CMTR1: variants seen among roughly 807,000 people sequenced by gnomAD.
CMTR1 encodes the protein cap-specific mRNA (nucleoside-2'-O-)-methyltransferase 1.
A neutral mutation model predicts 107.0 loss-of-function variants in CMTR1; 39 were observed. The observed-to-expected ratio is 0.36, with a 90% CI of 0.28 to 0.48. The LOEUF (loss-of-function observed/expected upper bound fraction) is 0.48, where lower values mean the gene tolerates loss of function less well. CMTR1 is among the 20% of genes least tolerant of loss of function. The pLI, the probability that CMTR1 is intolerant of heterozygous loss-of-function variation, is 0.99. For missense variants in CMTR1, 672 were observed against 1,064.9 expected (o/e 0.63, Z 5.14); for synonymous variants, 366 against 379.5 (o/e 0.96, Z 0.41).
At chr6:37,450,837 G>T (rs1282217855) in intron 5 of CMTR1, among the ~76,000 whole-genome samples, 1 of 152,176 alleles carries the variant, frequency 6.6e-6, no homozygotes, top group Non-Finnish European at 1.5e-5. Context: ...CCTTCAGGGG[G>T]TCCACAAGGG....
chr6:37,479,282 C>T lies in CMTR1; in HGVS notation c.2375+27C>T, dbSNP rs919080478. ...TAAGTAGCTCTCCTCCAAGCCTGCC[C>T]TCCTTAGCAGCCTCAAGTACTCCTG... is the stretch of plus-strand genomic sequence containing the variant. On this transcript the variant is annotated intron_variant, in intron 23 of 23. Coordinates refer to ENST00000373451, the MANE Select transcript of CMTR1 (RefSeq NM_015050.3). The T allele has an allele frequency of 3.3e-6, 5 of 1,495,532 alleles. No homozygotes were observed. The Admixed American group carries it at 5.0e-5, about 15-fold the overall frequency. The allele number at this position is 1,495,532 out of a possible 1,614,324, so 92.6% of individuals were successfully genotyped here.
chr6:37,451,819 T>C lies in CMTR1; in HGVS notation c.551T>C (p.Ile184Thr), dbSNP rs1191853745. The stretch of plus-strand genomic sequence containing the variant: ...TTCTCCCTGTAGAGAAAGATGATTA[T>C]TGAAGATGAAACAGAGTTTTGTGGG... ...WMVVGKRKMI[I>T]EDETEFCGEE... Residue 184 changes from isoleucine (I) to threonine (T), a missense_variant, in exon 6 of 24, where the codon ATT becomes ACT. Around this residue, in one of 2 missense-constraint regions of CMTR1, gnomAD observed 583 missense variants for 968.4 expected, o/e 0.60. Transcript: ENST00000373451. 3.1e-6 allele frequency: 5 copies of C among 1,613,262 alleles called. No individual in the cohort carries two copies. The African/African-American group carries it at 6.7e-5, about 22-fold the overall frequency.
At chr6:37,466,309 C>T (rs977066305) in intron 13 of CMTR1, among the ~76,000 whole-genome samples, 4 of 151,922 alleles carry the variant, frequency 2.6e-5, no homozygotes, top group South Asian at 2.1e-4. Flanking sequence ...GATGGAGTTT[C>T]ACCATGTTGG....
chr6:37,448,451 G>A (rs2113870442), intron 4 of CMTR1, among the ~76,000 whole-genome samples: 1 of 152,182 alleles, frequency 6.6e-6, no homozygotes, highest in Admixed American at 6.5e-5. Context: ...TTCTTTCCAA[G>A]TTTATATGAG....
chr6:37,457,317 C>T (rs184630299), intron 8 of CMTR1, among the ~76,000 whole-genome samples: 6 of 152,102 alleles, frequency 3.9e-5, no homozygotes, highest in Admixed American at 3.9e-4. Flanking sequence ...ATTAGTCAGT[C>T]CTGAGTTGGC....
chr6:37,453,185 A>G (rs1480485972), intron 7 of CMTR1, 44 bp downstream of exon 7: 2 of 1,612,768 alleles, frequency 1.2e-6, no homozygotes, highest in East Asian at 2.2e-5. Context: ...TCCCTGCTCT[A>G]CCTTTTCAAT....
intron 2 of CMTR1, among the ~76,000 whole-genome samples, chr6:37,440,225 AGACT>A (rs1771640712): frequency 6.6e-6 from 1 of 152,354 alleles, no homozygotes; most frequent in African/African-American, 2.4e-5. Context: ...TGAGTTTAAT[AGACT>A]GACCTTATTA....
Position 37,471,832 on chromosome 6 carries a change from G to A in CMTR1, c.1563-15G>A, listed in dbSNP as rs1761634195. The A allele has an allele frequency of 6.2e-7, 1 of 1,613,480 alleles. No individual in the cohort carries two copies. Among genetic ancestry groups the A allele is most frequent in the Non-Finnish European group, 8.5e-7 (1 of 1,179,760 alleles). ...TCTTAGAGATTTTAATCACTAACTG[G>A]CTTCATATTCCCAGGACACTGAGTG... is the stretch of plus-strand genomic sequence containing the variant. On this transcript the variant is annotated splice_polypyrimidine_tract_variant and intron_variant, in intron 14 of 23. Transcript: ENST00000373451.
At chr6:37,479,114 C>A in intron 22 of CMTR1, 33 bp from the exon 23 acceptor site, 1 of 1,509,110 alleles carries the variant, frequency 6.6e-7, no homozygotes, top group Non-Finnish European at 9.2e-7. Context: ...CTTTGTGTCC[C>A]TTCTGGGCTT....
chr6:37,437,531 AAAG>A (rs939429128), intron 2 of CMTR1, among the ~76,000 whole-genome samples: 3 of 151,008 alleles, frequency 2.0e-5, no homozygotes, highest in African/African-American at 7.4e-5. Flanking sequence ...AAAAAAAAAA[AAAG>A]CTCATCAGCT....
At position 37,471,059 on chromosome 6, in the gene CMTR1, A is replaced by C; in HGVS notation, c.1544A>C (p.His515Pro). Residue 515 changes from histidine (H) to proline (P), a missense_variant, in exon 14 of 24, where the codon CAT (histidine) becomes CCT (proline). By Grantham distance (77) the His-to-Pro change is moderately conservative. This residue lies in a region of CMTR1 where 583 missense variants were observed against 968.4 expected (regional missense o/e 0.60). Transcript: ENST00000373451. The part of the protein sequence containing the change: ...SLQIKALAKI[H>P]AFVQDTTLSE... ...CAGATCAAAGCTCTGGCGAAAATCC[A>C]TGCCTTTGTTCAAGACACGTGAGTG... The C allele has an allele frequency of 2.5e-6, 4 of 1,606,972 alleles. No individual in the cohort carries two copies. Among genetic ancestry groups the C allele is most frequent in the Non-Finnish European group, 3.4e-6 (4 of 1,176,636 alleles).
At chr6:37,473,644 T>G in intron 17 of CMTR1, 43 bp downstream of exon 17, 1 of 1,596,138 alleles carries the variant, frequency 6.3e-7, no homozygotes. Flanking sequence ...GAATGGTGGA[T>G]TTGCCCTTTG....
Position 37,446,099 on chromosome 6 carries a change from A to G in CMTR1, c.286-192A>G, listed in dbSNP as rs1771788012. Among the ~76,000 whole-genome samples, 2 of 152,170 alleles carry G rather than the reference A, an allele frequency of 1.3e-5. 1 individual carries two copies. On this transcript the variant is annotated intron_variant, in intron 3 of 23. Transcript: ENST00000373451. Reference sequence around the variant, plus strand: ...GTTGCCCTAGACTTTAACCTCCAGAACAGCCAGCCACTGGGCCCACAGTTA... The same window carrying G: ...GTTGCCCTAGACTTTAACCTCCAGAGCAGCCAGCCACTGGGCCCACAGTTA...
intron 2 of CMTR1, among the ~76,000 whole-genome samples, 172 bp downstream of exon 2, chr6:37,435,934 C>T (rs1272623079): frequency 1.3e-5 from 2 of 152,218 alleles, no homozygotes; most frequent in Non-Finnish European, 2.9e-5. Flanking sequence ...TGCCATTCTC[C>T]TACTAAGAGT....
upstream of CMTR1, among the ~76,000 whole-genome samples, chr6:37,429,910 C>T (rs1771339993): frequency 6.6e-6 from 1 of 150,914 alleles, no homozygotes; most frequent in African/African-American, 2.4e-5. Context: ...TGCACTCCAG[C>T]CTGGATGACA....
At chr6:37,428,623 A>C (rs927542886), upstream of CMTR1, among the ~76,000 whole-genome samples, 1 of 151,808 alleles carries the variant, frequency 6.6e-6, no homozygotes, top group Non-Finnish European at 1.5e-5. Context: ...GCGCCTGGCT[A>C]ATTTTTGTAT....
intron 1 of CMTR1, among the ~76,000 whole-genome samples, chr6:37,433,945 C>T (rs1477312748): frequency 6.6e-6 from 1 of 152,192 alleles, no homozygotes; most frequent in African/African-American, 2.4e-5. Context: ...GGAGCATCCG[C>T]CTCTCCTGCC....
chr6:37,455,808 T>A (rs1251949703), intron 8 of CMTR1, among the ~76,000 whole-genome samples: 1 of 152,260 alleles, frequency 6.6e-6, no homozygotes, highest in African/African-American at 2.4e-5. Context: ...AATTGTTTAA[T>A]ACTTTACAGT....
rs1258605430 is a variant in CMTR1, at chr6:37,480,076, G to T, written c.2439G>T (p.Gln813His). 1 of 1,588,908 alleles carries T rather than the reference G, an allele frequency of 6.3e-7. No homozygotes were observed. The highest frequency in any genetic ancestry group is 1.8e-5 in the Admixed American group (1 of 54,176). ...ATGGCATTCGTGTGCATGACTCCCAGAAGCCCCAGGACCAGGACAAGCTGT... is the reference window on the plus strand; with the variant it reads ...ATGGCATTCGTGTGCATGACTCCCATAAGCCCCAGGACCAGGACAAGCTGT... ...WGDGIRVHDS[Q>H]KPQDQDKLSK... Residue 813 changes from glutamine to histidine, a missense_variant, in exon 24 of 24, where the codon CAG becomes CAT. Around this residue, in one of 2 missense-constraint regions of CMTR1, gnomAD observed 583 missense variants for 968.4 expected, o/e 0.60. Coordinates refer to ENST00000373451, the MANE Select transcript of CMTR1 (RefSeq NM_015050.3).
Sources: allele counts gnomAD v4.1 joint callset (sites outside exome capture counted in the v4.1 genomes callset), GRCh38; gene constraint gnomAD v4.1.1; regional missense constraint gnomAD v4.1.1; transcripts MANE v1.5; gene names NCBI Gene and HGNC (gene_info 2026-07-23, HGNC 2026-07-21).